Variants in GPBP1 observed in about 807,000 individuals in gnomAD.
GPBP1 encodes GC-rich promoter binding protein 1, also known as vasculin.
Under a neutral mutation model 56.5 loss-of-function variants are expected in GPBP1, and 13 were observed. That is an observed-to-expected ratio of 0.23 (90% confidence interval 0.15 to 0.37). GPBP1 has a LOEUF of 0.37. Ranked by LOEUF, GPBP1 falls within the 10% of genes least tolerant of loss-of-function variation. GPBP1 has a pLI of 1.00. For missense variants in GPBP1, 477 were observed against 572.3 expected (o/e 0.83, Z 1.70); for synonymous variants, 204 against 188.9 (o/e 1.08, Z -0.66).
At chr5:57,215,747 G>C (rs1402069261) in intron 3 of GPBP1, among the ~76,000 whole-genome samples, 1 of 152,144 alleles carries the variant, frequency 6.6e-6, no homozygotes, top group Non-Finnish European at 1.5e-5. Flanking sequence ...TTGAGAGACT[G>C]CTTCTTACCC....
intron 5 of GPBP1, among the ~76,000 whole-genome samples, chr5:57,234,857 C>T (rs1053323903): frequency 2.7e-5 from 4 of 145,958 alleles, no homozygotes; most frequent in African/African-American, 1.0e-4. Context: ...GGATTGTGCC[C>T]ACAATTTGAG....
intron 8 of GPBP1, 194 bp from the exon 9 acceptor site, chr5:57,249,215 G>A (rs1317179614): frequency 1.5e-5 from 7 of 464,358 alleles, no homozygotes; most frequent in Admixed American, 1.2e-4. Context: ...CATTGTTTGT[G>A]GGATAAGAAA....
intron 2 of GPBP1, among the ~76,000 whole-genome samples, chr5:57,204,453 C>T (rs778451839): frequency 7.2e-5 from 11 of 152,096 alleles, no homozygotes; most frequent in Non-Finnish European, 1.3e-4. Flanking sequence ...GATTTTGCCA[C>T]GTTGACCAGG....
chr5:57,229,572 AG>A (rs1756353302), intron 3 of GPBP1, among the ~76,000 whole-genome samples: 2 of 150,160 alleles, frequency 1.3e-5, no homozygotes, highest in South Asian at 2.1e-4. Context: ...TGTCTCGTCC[AG>A]GCTCTGGAGT....
At position 57,177,422 on chromosome 5, in the gene GPBP1, C is replaced by A. The variant is rs895024054; in HGVS notation, c.-58+1022C>A. Among the ~76,000 whole-genome samples the A allele has an allele frequency of 2.0e-5, 3 of 151,706 alleles. No individual in the cohort carries two copies. The South Asian group carries it at 6.2e-4, about 31-fold the overall frequency. ...TTTAGGCAGTTAATATTAGTGAACA[C>A]GAGTATAACTAAAATTAGAGGGTAT... On this transcript the variant is annotated intron_variant, in intron 2 of 11. Coordinates refer to ENST00000506184, the MANE Select transcript of GPBP1 (RefSeq NM_022913.4).
At chr5:57,200,123 C>T (rs1017733899) in intron 2 of GPBP1, among the ~76,000 whole-genome samples, 5 of 145,082 alleles carry the variant, frequency 3.4e-5, no homozygotes, top group African/African-American at 1.0e-4. Flanking sequence ...TTGCCTCACC[C>T]GTCCCCGCCC....
At chr5:57,244,644 A>G (rs1187041259) in intron 6 of GPBP1, among the ~76,000 whole-genome samples, 1 of 150,962 alleles carries the variant, frequency 6.6e-6, no homozygotes, top group Non-Finnish European at 1.5e-5. Flanking sequence ...CATCCATGCC[A>G]TTATCATCTG....
At chr5:57,186,470 A>C (rs1352670571) in intron 2 of GPBP1, among the ~76,000 whole-genome samples, 1 of 151,644 alleles carries the variant, frequency 6.6e-6, no homozygotes, top group East Asian at 1.9e-4. Flanking sequence ...AAGGTCATAG[A>C]GTTTTCTCCT....
At chr5:57,183,310 T>C (rs986169214) in intron 2 of GPBP1, among the ~76,000 whole-genome samples, 5 of 152,130 alleles carry the variant, frequency 3.3e-5, no homozygotes, top group African/African-American at 1.2e-4. Context: ...GAGGTTGCAG[T>C]GAGCCGAGAT....
At chr5:57,199,044 C>T (rs1754884837) in intron 2 of GPBP1, among the ~76,000 whole-genome samples, 1 of 152,144 alleles carries the variant, frequency 6.6e-6, no homozygotes, top group African/African-American at 2.4e-5. Context: ...GATTTGGACT[C>T]CAATAAATAT....
intron 2 of GPBP1, among the ~76,000 whole-genome samples, chr5:57,180,892 C>T (rs1033977396): frequency 7.2e-5 from 11 of 152,160 alleles, no homozygotes; most frequent in African/African-American, 2.7e-4. Flanking sequence ...CAGGTGCCCA[C>T]CACCACGCCC....
chr5:57,252,128 C>G (rs1741420962), intron 10 of GPBP1, among the ~76,000 whole-genome samples: 1 of 112,668 alleles, frequency 8.9e-6, no homozygotes, highest in Non-Finnish European at 1.9e-5. Context: ...ACCTCCCACC[C>G]ACCCCCACCC....
intron 2 of GPBP1, 94 bp from the exon 3 acceptor site, chr5:57,213,980 C>T (rs956184113): frequency 3.4e-6 from 2 of 594,536 alleles, no homozygotes; most frequent in African/African-American, 1.9e-5. Flanking sequence ...TAAATAGAAT[C>T]CTATAGTAGT....
intron 2 of GPBP1, among the ~76,000 whole-genome samples, chr5:57,200,677 A>T (rs1053508596): frequency 6.7e-6 from 1 of 150,218 alleles, no homozygotes; most frequent in Non-Finnish European, 1.5e-5. Flanking sequence ...TGAAAATTTT[A>T]AATAACAAAA....
intron 6 of GPBP1, among the ~76,000 whole-genome samples, chr5:57,245,138 T>C (rs925025232): frequency 6.6e-6 from 1 of 152,242 alleles, no homozygotes; most frequent in African/African-American, 2.4e-5. Flanking sequence ...GTGCCAGAAG[T>C]TGTCTTTTTT....
At chr5:57,245,976 G>T in intron 6 of GPBP1, 1 of 183,598 alleles carries the variant, frequency 5.4e-6, no homozygotes. Flanking sequence ...TCATTAGGTT[G>T]ATGTTTGCAA....
chr5:57,211,435 C>T (rs1393111560), intron 2 of GPBP1, among the ~76,000 whole-genome samples: 1 of 152,194 alleles, frequency 6.6e-6, no homozygotes, highest in African/African-American at 2.4e-5. Context: ...GGGAGCCTCC[C>T]ACTTCACTTC....
intron 2 of GPBP1, among the ~76,000 whole-genome samples, chr5:57,199,548 A>G (rs1362484150): frequency 6.6e-6 from 1 of 151,744 alleles, no homozygotes; most frequent in Non-Finnish European, 1.5e-5. Context: ...TTATATATAT[A>G]TATATCTTTA....
intron 3 of GPBP1, among the ~76,000 whole-genome samples, chr5:57,224,409 A>G (rs1756089085): frequency 6.6e-6 from 1 of 150,610 alleles, no homozygotes; most frequent in African/African-American, 2.4e-5. Flanking sequence ...TGCCCGGCTA[A>G]TTTTTGTATT....
Sources: allele counts gnomAD v4.1 joint callset (sites outside exome capture counted in the v4.1 genomes callset), GRCh38; gene constraint gnomAD v4.1.1; transcripts MANE v1.5; gene names NCBI Gene and HGNC (gene_info 2026-07-23, HGNC 2026-07-21).